The following ANO9 variants were observed in gnomAD, a reference collection of about 807,000 sequenced individuals.
ANO9 encodes the protein anoctamin-9.
Under a neutral mutation model 100.5 loss-of-function variants are expected in ANO9, and 80 were observed. That is an observed-to-expected ratio of 0.80 (90% CI 0.66 to 0.96). The LOEUF is 0.96. Ranked by LOEUF, ANO9 falls within the 40% of genes least tolerant of loss-of-function variation. The pLI, the probability that ANO9 is intolerant of heterozygous loss-of-function variation, is 0.00. For missense variants in ANO9, 1,064 were observed against 1,072.7 expected (o/e 0.99, Z 0.11); for synonymous variants, 473 against 435.6 (o/e 1.09, Z -1.07).
chr11:426,298 GGTA>G (rs951859945), intron 15 of ANO9, among the ~76,000 whole-genome samples: 8 of 152,052 alleles, frequency 5.3e-5, no homozygotes, highest in Admixed American at 3.3e-4. Context: ...CTGCAGGTGC[GGTA>G]GCTCACACCT....
At position 418,904 on chromosome 11, in the gene ANO9, T is replaced by G; in HGVS notation, c.2020A>C (p.Asn674His). The change falls in exon 21 of 23, where the codon AAC (asparagine) becomes CAC (histidine). Residue 674 changes from asparagine to histidine, a missense_variant. Transcript: ENST00000332826. ...GTTCCAAACCTGCACAGAGTCACGT[T>G]TTCTGAGCCCTCAATCCCATCAGGG... ...QDPDGIEGSENVTLCRYRDYR... is the reference protein window; with the variant it reads ...QDPDGIEGSEHVTLCRYRDYR... 1 of 1,613,578 alleles carries G rather than the reference T, an allele frequency of 6.2e-7. No homozygotes were observed. Among genetic ancestry groups the G allele is most frequent in the Non-Finnish European group, 8.5e-7 (1 of 1,179,912 alleles).
At chr11:439,205 C>A (rs10902166) in intron 1 of ANO9, among the ~76,000 whole-genome samples, 43,046 of 152,248 alleles carry the variant, frequency 0.28, 7,151 homozygotes, top group East Asian at 0.62. Context: ...ACACCCAGTA[C>A]TCCAGGGCCC....
In ANO9 at chr11:418,098, G is replaced by A. The variant is rs138448794; in HGVS notation, c.*273C>T. On this transcript the variant is annotated 3_prime_UTR_variant, in exon 23 of 23. Coordinates refer to ENST00000332826, the MANE Select transcript of ANO9 (RefSeq NM_001012302.3). Reference sequence around the variant, plus strand: ...ATTTGCGCCAGTTTTCCTGCCTTGTGGCTGCCTGAGGAGCCCTCACTCCCA... The same window carrying A: ...ATTTGCGCCAGTTTTCCTGCCTTGTAGCTGCCTGAGGAGCCCTCACTCCCA... 2.3e-6 allele frequency: 1 copy of A among 428,018 alleles called. No individual in the cohort carries two copies. The highest frequency in any genetic ancestry group is 4.1e-6 in the Non-Finnish European group (1 of 241,228). 26.5% of individuals were successfully genotyped at this position (428,018 alleles called of 1,614,324 possible). A position where few individuals can be genotyped will look rare whatever the true frequency, so the allele number is the denominator to read the frequency against.
intron 15 of ANO9, among the ~76,000 whole-genome samples, chr11:423,885 T>TCTCACACACACACA (rs113475254): frequency 7.0e-6 from 1 of 143,306 alleles, no homozygotes; most frequent in African/African-American, 2.6e-5. Context: ...AGTTGAATAC[T>TCTCACACACACACA]CACACACACA....
In ANO9 at chr11:433,900, G is replaced by A. The variant is rs959725880; in HGVS notation, c.119C>T (p.Ala40Val). Residue 40 changes from alanine (A) to valine (V), a missense_variant, in exon 3 of 23, where the codon GCC becomes GTC. Physicochemically the swap from Ala to Val is moderately conservative, Grantham distance 64. Transcript: ENST00000332826. ...ASEQWDYVLV[A>V]QRHTQRDPRQ... ...GGGGTCTCTCTGGGTGTGACGTTGG[G>A]CCACGAGGACATAGTCCCACTGCTC... 9 of 1,563,824 alleles carry A rather than the reference G, an allele frequency of 5.8e-6. No individual in the cohort carries two copies. Among genetic ancestry groups the A allele is most frequent in the Non-Finnish European group, 7.8e-6 (9 of 1,154,136 alleles).
chr11:418,931 C>A lies in ANO9; in HGVS notation c.1993G>T (p.Asp665Tyr), dbSNP rs1159932557. ...LSVFHTKDFQDPDGIEGSENV... is the reference protein window; with the variant it reads ...LSVFHTKDFQYPDGIEGSENV... ...TCTGAGCCCTCAATCCCATCAGGGTCCTGGAAGTCCTTGGTGTGGAAGACG... is the reference window on the plus strand; with the variant it reads ...TCTGAGCCCTCAATCCCATCAGGGTACTGGAAGTCCTTGGTGTGGAAGACG... The change falls in exon 21 of 23, where the codon GAC becomes TAC. Residue 665 changes from aspartate to tyrosine, a missense_variant. Coordinates refer to ENST00000332826, the MANE Select transcript of ANO9 (RefSeq NM_001012302.3). 1 of 1,613,622 alleles carries A rather than the reference C, an allele frequency of 6.2e-7. No homozygotes were observed. Among genetic ancestry groups the A allele is most frequent in the Non-Finnish European group, 8.5e-7 (1 of 1,179,984 alleles).
In ANO9 at chr11:432,155, CCTGGCAG is replaced by C; in HGVS notation, c.351-108_351-102del. ...TGGCCAGGCCCAGGCCCCTCCCTGT[CCTGGCAG>C]AGCCCCCAGCCTGCCAGCCCTGACC... On this transcript the variant is annotated intron_variant, in intron 4 of 22. Transcript: ENST00000332826. The surrounding 1 kb of genome is among the most constrained non-coding windows in gnomAD (Gnocchi z 4.8). 2 of 1,306,966 alleles carry C rather than the reference CCTGGCAG, an allele frequency of 1.5e-6. No homozygotes were observed. The highest frequency in any genetic ancestry group is 2.1e-6 in the Non-Finnish European group (2 of 933,380). 81.0% of individuals were successfully genotyped at this position (1,306,966 alleles called of 1,614,324 possible).
chr11:420,283 T>A, intron 19 of ANO9, 180 bp downstream of exon 19: 1 of 1,432,160 alleles, frequency 7.0e-7, no homozygotes. Flanking sequence ...CCCCGCCCAC[T>A]CCTGGTACCC....
At chr11:424,476 A>C (rs554929156) in intron 15 of ANO9, among the ~76,000 whole-genome samples, 1 of 152,348 alleles carries the variant, frequency 6.6e-6, no homozygotes, top group African/African-American at 2.4e-5. Flanking sequence ...TGGCAATGAG[A>C]GAAGCTCTGC....
chr11:427,749 T>C (rs1389983939), intron 15 of ANO9, among the ~76,000 whole-genome samples: 1 of 151,760 alleles, frequency 6.6e-6, no homozygotes, highest in Non-Finnish European at 1.5e-5. Flanking sequence ...TATACGAGGA[T>C]GTGTGGGCAG....
intron 15 of ANO9, among the ~76,000 whole-genome samples, chr11:426,725 G>A (rs1385659512): frequency 3.9e-5 from 6 of 152,130 alleles, no homozygotes; most frequent in Middle Eastern, 3.2e-3. Context: ...GCCCTGCCAG[G>A]ATCCCCAGGA....
chr11:419,305 C>A (rs780566317), intron 20 of ANO9: 3 of 1,406,908 alleles, frequency 2.1e-6, no homozygotes, highest in Non-Finnish European at 2.8e-6. Flanking sequence ...AACCTCACAT[C>A]GGGAGGGAGC....
Position 418,406 on chromosome 11 carries a change from C to T in ANO9, c.2314G>A (p.Ala772Thr), listed in dbSNP as rs756959284. ...GTGCTCCTGGCACTGAAGATGGATG[C>T]TGGGGTGGGATGGGCAGGCATTGGG... ...RPPMPAHPTP[A>T]SIFSARSTDV Residue 772 changes from alanine (A) to threonine (T), a missense_variant, in exon 23 of 23, where the codon GCA becomes ACA. Physicochemically the swap from Ala to Thr is moderately conservative, Grantham distance 58. Transcript: ENST00000332826. The T allele has an allele frequency of 6.2e-7, 1 of 1,612,204 alleles. No individual in the cohort carries two copies. Among genetic ancestry groups the T allele is most frequent in the South Asian group, 1.1e-5 (1 of 91,052 alleles).
chr11:419,222 C>A (rs897405278), intron 20 of ANO9: 13 of 1,426,034 alleles, frequency 9.1e-6, no homozygotes, highest in Admixed American at 2.9e-5. Flanking sequence ...AGAGACTGGC[C>A]CTGGGGACCC....
At chr11:427,226 T>C (rs1848570327) in intron 15 of ANO9, among the ~76,000 whole-genome samples, 1 of 152,036 alleles carries the variant, frequency 6.6e-6, no homozygotes, top group African/African-American at 2.4e-5. Flanking sequence ...GGTGCGCACC[T>C]GTGGTCCCAG....
At chr11:434,190 C>T in intron 1 of ANO9, 92 bp from the exon 2 acceptor site, 1 of 1,389,276 alleles carries the variant, frequency 7.2e-7, no homozygotes, top group Non-Finnish European at 9.8e-7. Flanking sequence ...ACCACATGGT[C>T]ACACACCGTC....
intron 1 of ANO9, among the ~76,000 whole-genome samples, chr11:441,146 C>T (rs139420380): frequency 9.8e-4 from 149 of 152,304 alleles, no homozygotes; most frequent in African/African-American, 3.3e-3. Context: ...AGGCCGCCGG[C>T]GCAGCCCACA....
chr11:434,729 C>T (rs1849316204), intron 1 of ANO9, among the ~76,000 whole-genome samples: 1 of 152,206 alleles, frequency 6.6e-6, no homozygotes, highest in Non-Finnish European at 1.5e-5. Flanking sequence ...CCCGCAGGCA[C>T]AGTGCACGGG....
chr11:418,682 C>G (rs1194881303), intron 22 of ANO9, 38 bp downstream of exon 22: 6 of 1,612,152 alleles, frequency 3.7e-6, no homozygotes, highest in Non-Finnish European at 5.1e-6. Context: ...AGAGCACTGC[C>G]CAGACCCACT....
Sources: gnomAD v4.1 joint callset for allele counts (sites outside exome capture counted in the v4.1 genomes callset) on GRCh38, gnomAD v4.1.1 for gene constraint, Gnocchi (gnomAD v3.1) non-coding constraint, MANE v1.5 for transcripts, NCBI Gene and HGNC (gene_info 2026-07-23, HGNC 2026-07-21) for gene names.